Variants in MECOM observed in about 807,000 individuals in gnomAD.
MECOM encodes histone-lysine N-methyltransferase MECOM.
Under a neutral mutation model 116.3 loss-of-function variants are expected in MECOM, and 13 were observed. The ratio of observed to expected loss-of-function variants is 0.11; its 90% CI spans 0.07 to 0.18. The LOEUF (loss-of-function observed/expected upper bound fraction) is 0.18, where lower values mean the gene tolerates loss of function less well. Among genes scored for constraint, MECOM ranks in the 10% least tolerant of loss-of-function variants. The probability of loss-of-function intolerance (pLI) is 1.00; values close to 1 mark genes in which losing one functional copy is unlikely to be tolerated. For missense variants in MECOM, 1,299 were observed against 1,509.0 expected (o/e 0.86, Z 2.31); for synonymous variants, 528 against 535.2 (o/e 0.99, Z 0.19).
At chr3:169,540,882 C>A (rs186801120) in intron 1 of MECOM, among the ~76,000 whole-genome samples, 1 of 152,138 alleles carries the variant, frequency 6.6e-6, no homozygotes, top group Non-Finnish European at 1.5e-5. Context: ...GTGAGAGTTC[C>A]ACAGGCAGAA....
chr3:169,568,868 G>C (rs964346203), intron 1 of MECOM, among the ~76,000 whole-genome samples: 3 of 152,108 alleles, frequency 2.0e-5, no homozygotes, highest in African/African-American at 4.8e-5. Flanking sequence ...GGTAAAACTG[G>C]TACCAGCCAC....
chr3:169,112,749 A>G (rs1198604507), intron 9 of MECOM, 38 bp downstream of exon 9: 1 of 1,479,122 alleles, frequency 6.8e-7, no homozygotes, highest in South Asian at 1.2e-5. Flanking sequence ...TCAACAAGTT[A>G]GTTTACAAGC....
chr3:169,243,588 G>A (rs182785150), intron 2 of MECOM, among the ~76,000 whole-genome samples: 52 of 151,964 alleles, frequency 3.4e-4, no homozygotes, highest in Non-Finnish European at 6.0e-4. Context: ...TTTTTCCCCC[G>A]TCTGATTGAA....
chr3:169,549,903 C>T (rs1010459173), intron 1 of MECOM, among the ~76,000 whole-genome samples: 1 of 152,094 alleles, frequency 6.6e-6, no homozygotes, highest in African/African-American at 2.4e-5. Context: ...CTTTAGAGAG[C>T]TTGAAATCTA....
intron 2 of MECOM, among the ~76,000 whole-genome samples, chr3:169,368,898 G>T (rs1024799622): frequency 1.3e-5 from 2 of 151,966 alleles, no homozygotes; most frequent in Non-Finnish European, 1.5e-5. Context: ...ACTCATGAGG[G>T]TTTGTTTTGG....
rs980771924 is a variant in MECOM, at chr3:169,635,572, A to T, written c.37+27764T>A. Among the ~76,000 whole-genome samples, 3 of 152,186 alleles carry T rather than the reference A, an allele frequency of 2.0e-5. 1 individual carries two copies. Among genetic ancestry groups the T allele is most frequent in the African/African-American group, 7.2e-5 (3 of 41,446 alleles). On this transcript the variant is annotated intron_variant, in intron 1 of 16. Coordinates refer to ENST00000651503, the MANE Select transcript of MECOM (RefSeq NM_004991.4). ...CACATAGTTTTCTCTGCATTTCCAC[A>T]TTTCTATCAAAAGTGAATCCATCTT...
chr3:169,487,270 A>G (rs964589096), intron 1 of MECOM, among the ~76,000 whole-genome samples: 4 of 152,086 alleles, frequency 2.6e-5, no homozygotes, highest in African/African-American at 9.7e-5. Context: ...TTGGTAAATA[A>G]TGTGTATAAA....
At chr3:169,418,673 A>G (rs1249881063) in intron 1 of MECOM, among the ~76,000 whole-genome samples, 1 of 152,190 alleles carries the variant, frequency 6.6e-6, no homozygotes, top group African/African-American at 2.4e-5. Context: ...AGATGCAGAA[A>G]AGGCCTTCGA....
intron 2 of MECOM, chr3:169,269,385 T>G (rs1368205454): frequency 6.6e-6 from 1 of 152,080 alleles, no homozygotes; most frequent in Non-Finnish European, 1.5e-5. Flanking sequence ...ATCAGTTGAC[T>G]GATTCCTTGT....
intron 1 of MECOM, among the ~76,000 whole-genome samples, chr3:169,489,760 T>G (rs1166507636): frequency 6.6e-6 from 1 of 152,154 alleles, no homozygotes; most frequent in East Asian, 1.9e-4. Context: ...AATACCTAAA[T>G]ATGTAAAGCA....
intron 1 of MECOM, among the ~76,000 whole-genome samples, chr3:169,535,508 T>C: frequency 6.6e-6 from 1 of 152,156 alleles, no homozygotes; most frequent in East Asian, 1.9e-4. Flanking sequence ...CATCCTAAAG[T>C]CGTTCCAGAG....
chr3:169,300,714 A>C (rs184009577), intron 2 of MECOM, among the ~76,000 whole-genome samples: 1 of 152,124 alleles, frequency 6.6e-6, no homozygotes, highest in African/African-American at 2.4e-5. Context: ...CTTTCTTTGG[A>C]AGCTTTCTAG....
intron 1 of MECOM, among the ~76,000 whole-genome samples, chr3:169,521,086 C>T (rs1174360136): frequency 2.6e-5 from 4 of 152,104 alleles, no homozygotes; most frequent in African/African-American, 7.2e-5. Flanking sequence ...GGGGTCAACT[C>T]GGAGAAGATA....
At chr3:169,279,099 T>C (rs1759969522) in intron 2 of MECOM, among the ~76,000 whole-genome samples, 1 of 152,218 alleles carries the variant, frequency 6.6e-6, no homozygotes, top group African/African-American at 2.4e-5. Context: ...TTCACTCAAA[T>C]GTGTTTCTAC....
At chr3:169,488,447 G>A (rs1752674757) in intron 1 of MECOM, among the ~76,000 whole-genome samples, 1 of 151,358 alleles carries the variant, frequency 6.6e-6, no homozygotes, top group African/African-American at 2.4e-5. Context: ...TCAGGAGGCT[G>A]AGGCAGGAGA....
At chr3:169,520,423 C>T (rs560497762) in intron 1 of MECOM, among the ~76,000 whole-genome samples, 1 of 152,300 alleles carries the variant, frequency 6.6e-6, no homozygotes, top group South Asian at 2.1e-4. Context: ...AACTCTAGCT[C>T]TTGTTCCGCC....
intron 1 of MECOM, among the ~76,000 whole-genome samples, chr3:169,518,587 A>G (rs2109069977): frequency 6.6e-6 from 1 of 152,116 alleles, no homozygotes; most frequent in Non-Finnish European, 1.5e-5. Context: ...ACTTTACCCC[A>G]GTTTTTTGCT....
chr3:169,412,165 A>G (rs1737659385), intron 1 of MECOM, among the ~76,000 whole-genome samples: 1 of 151,268 alleles, frequency 6.6e-6, no homozygotes, highest in Admixed American at 6.6e-5. Context: ...AGGCACCTGT[A>G]ATCCCAGCTA....
chr3:169,358,024 A>G (rs1010498143), intron 2 of MECOM, among the ~76,000 whole-genome samples: 3 of 151,772 alleles, frequency 2.0e-5, no homozygotes, highest in Admixed American at 6.6e-5. Context: ...CCAGCGCCTT[A>G]TGTAAATCCA....
Sources: gnomAD v4.1 joint callset for allele counts (sites outside exome capture counted in the v4.1 genomes callset) on GRCh38, gnomAD v4.1.1 for gene constraint, MANE v1.5 for transcripts, NCBI Gene and HGNC (gene_info 2026-07-23, HGNC 2026-07-21) for gene names.